TENM2: variants seen among roughly 807,000 people sequenced by gnomAD.
The protein encoded by TENM2 is teneurin-2.
In TENM2, 52 loss-of-function variants were observed where a neutral mutation model predicts 245.2. The ratio of observed to expected loss-of-function variants is 0.21; its 90% CI spans 0.17 to 0.27. The LOEUF (loss-of-function observed/expected upper bound fraction) is 0.27, where lower values mean the gene tolerates loss of function less well. TENM2 is among the 10% of genes least tolerant of loss of function. TENM2 has a pLI of 1.00. For missense variants in TENM2, 3,046 were observed against 3,666.8 expected, an observed-to-expected ratio of 0.83 and a Z score of 4.37; for synonymous variants, 1,363 against 1,438.9, an observed-to-expected ratio of 0.95 and a Z score of 1.19.
intron 9 of TENM2, among the ~76,000 whole-genome samples, chr5:168,113,799 C>T (rs1182738309): frequency 6.6e-6 from 1 of 152,072 alleles, no homozygotes; most frequent in Non-Finnish European, 1.5e-5. Context: ...TTTAGTAAAA[C>T]AGGAATAGTC....
At chr5:167,875,875 CTTTTTTT>C (rs11290475) in intron 2 of TENM2, 104 bp from the exon 5 acceptor site, 5 of 585,712 alleles carry the variant, frequency 8.5e-6, no homozygotes, top group Non-Finnish European at 1.5e-5. Context: ...CAGTTCATTT[CTTTTTTT>C]TTTTTTTTAA....
chr5:168,111,740 C>T (rs1415726619), intron 9 of TENM2, among the ~76,000 whole-genome samples: 2 of 152,142 alleles, frequency 1.3e-5, no homozygotes, highest in African/African-American at 4.8e-5. Context: ...GAGCCCATCC[C>T]CTCAGCCATG....
At chr5:167,537,400 C>T (rs372125405) in intron 2 of TENM2, among the ~76,000 whole-genome samples, 5 of 152,162 alleles carry the variant, frequency 3.3e-5, no homozygotes, top group African/African-American at 1.2e-4. Flanking sequence ...ATCTCATCCT[C>T]ATCATGTTTC....
intron 2 of TENM2, among the ~76,000 whole-genome samples, chr5:167,483,097 A>G (rs1021748937): frequency 6.6e-6 from 1 of 152,102 alleles, no homozygotes; most frequent in African/African-American, 2.4e-5. Flanking sequence ...CCTTTTCCTC[A>G]CTTGTAACAT....
At chr5:167,258,113 T>C in the TENM2 span, among the ~76,000 whole-genome samples, 2 of 151,418 alleles carry the variant, frequency 1.3e-5, no homozygotes, top group Non-Finnish European at 2.9e-5. Flanking sequence ...CAAACCATAA[T>C]TTGACTCAAA....
At chr5:167,080,619 A>G in the TENM2 span, among the ~76,000 whole-genome samples, 1 of 152,138 alleles carries the variant, frequency 6.6e-6, no homozygotes, top group South Asian at 2.1e-4. Context: ...TGCTAAAATA[A>G]ATAAACAAAT....
chr5:166,998,778 T>G, the TENM2 span, among the ~76,000 whole-genome samples: 101 of 152,328 alleles, frequency 6.6e-4, 1 homozygote, highest in African/African-American at 2.3e-3. Context: ...TGGGATGTGG[T>G]TAAGAAATTC....
chr5:167,354,842 A>C (rs1759202720), intron 1 of TENM2, among the ~76,000 whole-genome samples: 1 of 152,208 alleles, frequency 6.6e-6, no homozygotes, highest in African/African-American at 2.4e-5. Flanking sequence ...TGAATGAAGA[A>C]ATGAATGAAT....
chr5:167,876,285 TGG>T, intron 3 of TENM2, 90 bp downstream of exon 5: 1 of 1,113,070 alleles, frequency 9.0e-7, no homozygotes, highest in South Asian at 1.4e-5. Context: ...AAACAAGGGC[TGG>T]GGGAAGGTGG....
intron 1 of TENM2, among the ~76,000 whole-genome samples, chr5:167,353,669 G>A (rs918665327): frequency 1.3e-4 from 19 of 151,348 alleles, no homozygotes; most frequent in African/African-American, 3.9e-4. Flanking sequence ...CACTACGCCC[G>A]GCTAATTTTT....
At chr5:167,489,375 C>G (rs1434675797) in intron 2 of TENM2, among the ~76,000 whole-genome samples, 3 of 152,132 alleles carry the variant, frequency 2.0e-5, no homozygotes, top group African/African-American at 7.2e-5. Flanking sequence ...GTCATCATCT[C>G]CAATCCTATG....
At chr5:167,039,587 G>T in the TENM2 span, among the ~76,000 whole-genome samples, 1 of 147,290 alleles carries the variant, frequency 6.8e-6, no homozygotes, top group African/African-American at 2.6e-5. Flanking sequence ...CTTTCTGGTT[G>T]TGGTAGCAGA....
chr5:167,569,377 T>C (rs1055885544), intron 2 of TENM2, among the ~76,000 whole-genome samples: 2 of 152,084 alleles, frequency 1.3e-5, no homozygotes, highest in Non-Finnish European at 2.9e-5. Context: ...GCAAAGTGTT[T>C]AAAATGTGAA....
chr5:167,295,753 T>G (rs1207343650), intron 1 of TENM2, among the ~76,000 whole-genome samples: 3 of 152,312 alleles, frequency 2.0e-5, no homozygotes, highest in East Asian at 1.9e-4. Flanking sequence ...TTGAGCACCT[T>G]AATTGGCATG....
intron 13 of TENM2, among the ~76,000 whole-genome samples, chr5:168,188,622 CT>C (rs1248690007): frequency 6.6e-6 from 1 of 152,148 alleles, no homozygotes; most frequent in African/African-American, 2.4e-5. Flanking sequence ...CATCATTTTT[CT>C]CTTCAAAGAG....
intron 2 of TENM2, among the ~76,000 whole-genome samples, chr5:167,697,494 A>G (rs530603019): frequency 7.9e-5 from 12 of 152,286 alleles, no homozygotes; most frequent in Admixed American, 2.6e-4. Context: ...TGCCTGGCAC[A>G]TTGCAGTGGA....
intron 9 of TENM2, 75 bp downstream of exon 11, chr5:168,098,202 G>C: frequency 5.9e-6 from 6 of 1,022,664 alleles, no homozygotes; most frequent in Non-Finnish European, 6.0e-6. Context: ...TAACAGAAGG[G>C]ACATCCAAGT....
intron 2 of TENM2, among the ~76,000 whole-genome samples, chr5:167,764,412 A>G (rs910480084): frequency 6.6e-6 from 1 of 152,080 alleles, no homozygotes; most frequent in African/African-American, 2.4e-5. Context: ...AATTGACTGG[A>G]TTGTCAGCTC....
At chr5:167,712,408 T>G (rs1305305875) in intron 2 of TENM2, among the ~76,000 whole-genome samples, 2 of 152,200 alleles carry the variant, frequency 1.3e-5, no homozygotes, top group Admixed American at 1.3e-4. Context: ...AAAAACAAAC[T>G]GGATCTTATA....
Sources: allele counts gnomAD v4.1 joint callset (sites outside exome capture counted in the v4.1 genomes callset), GRCh38; gene constraint gnomAD v4.1.1; transcripts MANE v1.5; gene names NCBI Gene and HGNC (gene_info 2026-07-23, HGNC 2026-07-21).